The following LDLRAD4 variants were observed in gnomAD, a reference collection of about 807,000 sequenced individuals.
The protein encoded by LDLRAD4 is low density lipoprotein receptor class A domain containing 4.
In LDLRAD4, 5 loss-of-function variants were observed where a neutral mutation model predicts 17.0. The ratio of observed to expected loss-of-function variants is 0.29; its 90% CI spans 0.15 to 0.62. LDLRAD4 has a LOEUF of 0.62. Among genes scored for constraint, LDLRAD4 ranks in the 20% least tolerant of loss-of-function variants. The pLI is 0.84. For synonymous variants in LDLRAD4, 168 were observed against 171.8 expected (o/e 0.98, Z 0.17); for missense variants, 340 against 424.7 (o/e 0.80, Z 1.75).
At chr18:13,496,291 T>A (rs2093467695) in intron 3 of LDLRAD4, among the ~76,000 whole-genome samples, 1 of 152,160 alleles carries the variant, frequency 6.6e-6, no homozygotes, top group Non-Finnish European at 1.5e-5. Context: ...CTTAAAAATG[T>A]GGCGGCCTTA....
At chr18:13,446,637 C>T (rs1460137514) in intron 3 of LDLRAD4, among the ~76,000 whole-genome samples, 2 of 152,238 alleles carry the variant, frequency 1.3e-5, no homozygotes, top group African/African-American at 2.4e-5. Context: ...GAAGCCAGCT[C>T]TCCTCTCTGA....
At chr18:13,360,523 T>C (rs968075748) in intron 1 of LDLRAD4, among the ~76,000 whole-genome samples, 1 of 152,024 alleles carries the variant, frequency 6.6e-6, no homozygotes, top group Admixed American at 6.5e-5. Flanking sequence ...AAAAGATTCC[T>C]GGATTTTTAG....
chr18:13,477,670 G>A (rs541967403), intron 3 of LDLRAD4, among the ~76,000 whole-genome samples: 1 of 152,344 alleles, frequency 6.6e-6, no homozygotes, highest in East Asian at 1.9e-4. Flanking sequence ...GAAAACTACA[G>A]TTTGGAGAGC....
intron 3 of LDLRAD4, among the ~76,000 whole-genome samples, chr18:13,619,004 C>T (rs1161032127): frequency 6.6e-6 from 1 of 152,256 alleles, no homozygotes; most frequent in Non-Finnish European, 1.5e-5. Context: ...CCAGTGCAGC[C>T]TTATCCTGTT....
intron 2 of LDLRAD4, among the ~76,000 whole-genome samples, chr18:13,388,583 C>T (rs776183197): frequency 3.2e-4 from 48 of 152,154 alleles, no homozygotes; most frequent in Non-Finnish European, 3.7e-4. Context: ...TCCGTGAGTC[C>T]CAGAAGTTTG....
intron 3 of LDLRAD4, among the ~76,000 whole-genome samples, chr18:13,544,271 G>T (rs144685070): frequency 1.3e-5 from 2 of 152,356 alleles, no homozygotes; most frequent in African/African-American, 4.8e-5. Context: ...GTGGGCCAGG[G>T]ACTTGTCTAG....
chr18:13,374,950 G>A (rs868466824), intron 1 of LDLRAD4, among the ~76,000 whole-genome samples: 1 of 152,126 alleles, frequency 6.6e-6, no homozygotes, highest in African/African-American at 2.4e-5. Context: ...ATTTGCAGGC[G>A]TCTAGCCACC....
intron 3 of LDLRAD4, among the ~76,000 whole-genome samples, chr18:13,536,662 A>C (rs919686401): frequency 6.6e-6 from 1 of 152,082 alleles, no homozygotes; most frequent in Non-Finnish European, 1.5e-5. Context: ...AAACTTGAAT[A>C]AAAGCATTTA....
At chr18:13,336,367 C>T (rs954520175) in intron 1 of LDLRAD4, among the ~76,000 whole-genome samples, 5 of 152,104 alleles carry the variant, frequency 3.3e-5, no homozygotes, top group African/African-American at 7.2e-5. Flanking sequence ...GCCTGGGTGC[C>T]TTTTCAGGAT....
intron 3 of LDLRAD4, among the ~76,000 whole-genome samples, chr18:13,497,110 G>A (rs2093485467): frequency 6.6e-6 from 1 of 152,184 alleles, no homozygotes; most frequent in Non-Finnish European, 1.5e-5. Flanking sequence ...GCATTCTCTA[G>A]TCTAAATAAA....
At chr18:13,330,514 T>TG (rs1461637770) in intron 1 of LDLRAD4, among the ~76,000 whole-genome samples, 1 of 152,206 alleles carries the variant, frequency 6.6e-6, no homozygotes, top group Non-Finnish European at 1.5e-5. Flanking sequence ...ATCTTATTGG[T>TG]GGTTATTCCT....
chr18:13,510,289 AC>A (rs1030020956), intron 3 of LDLRAD4, among the ~76,000 whole-genome samples: 8 of 152,198 alleles, frequency 5.3e-5, no homozygotes, highest in Admixed American at 4.6e-4. Flanking sequence ...GGGAATGGGG[AC>A]CTATGATTTT....
At chr18:13,522,642 C>G (rs990081120) in intron 3 of LDLRAD4, 1 of 151,922 alleles carries the variant, frequency 6.6e-6, no homozygotes, top group Non-Finnish European at 1.5e-5. Context: ...AGCTTACATG[C>G]TACAAAAAAA....
intron 4 of LDLRAD4, among the ~76,000 whole-genome samples, chr18:13,628,697 C>T (rs2148873658): frequency 6.6e-6 from 1 of 152,354 alleles, no homozygotes; most frequent in South Asian, 2.1e-4. Flanking sequence ...ACCCCAGCTG[C>T]ACGCAGATTC....
chr18:13,369,734 A>G (rs1019838633), intron 1 of LDLRAD4, among the ~76,000 whole-genome samples: 2 of 152,178 alleles, frequency 1.3e-5, no homozygotes, highest in East Asian at 1.9e-4. Flanking sequence ...GTAAATATTG[A>G]GAGTGAACTT....
chr18:13,402,730 C>G (rs184703416), intron 2 of LDLRAD4, among the ~76,000 whole-genome samples: 3 of 152,278 alleles, frequency 2.0e-5, no homozygotes, highest in Admixed American at 2.0e-4. Context: ...GGGGACTCTT[C>G]CATCATTCAA....
At chr18:13,269,562 C>CTTT (rs113807644) in intron 1 of LDLRAD4, among the ~76,000 whole-genome samples, 1 of 146,132 alleles carries the variant, frequency 6.8e-6, no homozygotes, top group Non-Finnish European at 1.5e-5. Context: ...GGTAGATGAT[C>CTTT]TTTTTTTTTT....
At chr18:13,302,553 TTAAA>T (rs1298789311) in intron 1 of LDLRAD4, among the ~76,000 whole-genome samples, 2 of 152,176 alleles carry the variant, frequency 1.3e-5, no homozygotes, top group African/African-American at 4.8e-5. Context: ...ACATTTTCAG[TTAAA>T]TACTTACTGA....
chr18:13,336,542 CT>C (rs2082111559), intron 1 of LDLRAD4, among the ~76,000 whole-genome samples: 1 of 151,932 alleles, frequency 6.6e-6, no homozygotes, highest in South Asian at 2.1e-4. Flanking sequence ...ATCCTTTTTC[CT>C]TTTCTTTTAC....
Sources: allele counts gnomAD v4.1 joint callset (sites outside exome capture counted in the v4.1 genomes callset), GRCh38; gene constraint gnomAD v4.1.1; transcripts MANE v1.5; gene names NCBI Gene and HGNC (gene_info 2026-07-23, HGNC 2026-07-21).